MELTF: variants seen among roughly 807,000 people sequenced by gnomAD.
The protein encoded by MELTF is antigen p97 (melanoma associated) identified by monoclonal antibodies 133.2 and 96.5.
MELTF carries 67 observed loss-of-function variants against 83.7 expected under a neutral mutation model. That is an observed-to-expected ratio of 0.80 (90% CI 0.66 to 0.98). The LOEUF is 0.98. Among genes scored for constraint, MELTF ranks in the 50% least tolerant of loss-of-function variants. The pLI is 0.00. For missense variants in MELTF, 1,002 were observed against 1,035.6 expected (o/e 0.97, Z 0.44); for synonymous variants, 462 against 447.6 (o/e 1.03, Z -0.41).
Position 197,029,799 on chromosome 3 carries a change from G to T in MELTF, c.-97C>A, listed in dbSNP as rs1720020446. On this transcript the variant is annotated 5_prime_UTR_variant, in exon 1 of 16. Transcript: ENST00000296350. This position sits in a 1 kb window ranked among gnomAD's most constrained non-coding sequence, Gnocchi z 6.5. ...TTCCTCCCTGCTCCCCCTCGCGCTG[G>T]CCCGAGCTCCTTAAGTGCGGCCGCG... The T allele has an allele frequency of 2.3e-6, 2 of 882,298 alleles. No individual in the cohort carries two copies. The highest frequency in any genetic ancestry group is 3.5e-5 in the African/African-American group (2 of 57,578). 54.7% of individuals were successfully genotyped at this position (882,298 alleles called of 1,614,324 possible). A position where few individuals can be genotyped will look rare whatever the true frequency, so the allele number is the denominator to read the frequency against.
chr3:197,024,602 A>ATC lies in MELTF; in HGVS notation c.305-118_305-117insGA. On this transcript the variant is annotated intron_variant, in intron 3 of 15. Coordinates refer to ENST00000296350, the MANE Select transcript of MELTF (RefSeq NM_005929.6). This position sits in a 1 kb window ranked among gnomAD's most constrained non-coding sequence, Gnocchi z 5.3. ...GTGTGCACGGAGCACGGCTGTACAC[A>ATC]CGGATGTGTGCATAGCGTTCTCGTT... 2.1e-5 allele frequency: 18 copies of ATC among 865,048 alleles called. No individual in the cohort carries two copies. Among genetic ancestry groups the ATC allele is most frequent in the South Asian group, 4.2e-5 (2 of 47,526 alleles). 53.6% of individuals were successfully genotyped at this position (865,048 alleles called of 1,614,324 possible).
chr3:197,017,691 C>T (rs1338872783), intron 6 of MELTF, among the ~76,000 whole-genome samples: 1 of 152,108 alleles, frequency 6.6e-6, no homozygotes, highest in Non-Finnish European at 1.5e-5. Context: ...TCCTGGCTAA[C>T]ACGGTGAAAC....
In MELTF at chr3:197,027,792, C is replaced by T. The variant is rs142499361; in HGVS notation, c.168G>A (p.Arg56=). The stretch of plus-strand genomic sequence containing the variant: ...GGACGCAGTGGTCGGCGGAGGTGCC[C>T]CGGACGCAGAGGAGGGAGGGCTGGA... ...AGIQPSLLCV[R]GTSADHCVQL... The change falls in exon 2 of 16, where the codon CGG becomes CGA. Residue 56 remains arginine, a synonymous_variant. Transcript: ENST00000296350. 6.2e-7 allele frequency: 1 copy of T among 1,610,914 alleles called. No homozygotes were observed. The highest frequency in any genetic ancestry group is 1.1e-5 in the South Asian group (1 of 90,592).
rs1340707109 is a variant in MELTF at position 197,027,853 on chromosome 3, C to T, written c.107G>A (p.Cys36Tyr). 1.2e-6 allele frequency: 2 copies of T among 1,610,940 alleles called. No homozygotes were observed. Among genetic ancestry groups the T allele is most frequent in the African/African-American group, 2.7e-5 (2 of 74,892 alleles). The change falls in exon 2 of 16, where the codon TGC (cysteine) becomes TAC (tyrosine). Residue 36 changes from cysteine (C) to tyrosine (Y), a missense_variant. Coordinates refer to ENST00000296350, the MANE Select transcript of MELTF (RefSeq NM_005929.6). ...CATSDPEQHK[C>Y]GNMSEAFREA... ...CCGGAAGGCCTCGCTCATGTTGCCG[C>T]ACTTGTGCTGCTCTGGGTCCGAGGT...
intron 11 of MELTF, among the ~76,000 whole-genome samples, chr3:197,009,218 C>A (rs1212484018): frequency 6.6e-6 from 1 of 152,228 alleles, no homozygotes; most frequent in African/African-American, 2.4e-5. Flanking sequence ...CCCTCAGGGA[C>A]AGGGATCTCA....
intron 1 of MELTF, chr3:197,028,584 G>A (rs546048014): frequency 6.5e-6 from 1 of 152,974 alleles, no homozygotes; most frequent in South Asian, 2.1e-4. Context: ...TGTGTTGAAA[G>A]TAAACCCCCT....
chr3:197,017,352 A>G lies in MELTF; in HGVS notation c.713-62T>C, dbSNP rs1192017984. ...AAGGGGTTGGGGCGGGTGGCGGGGA[A>G]GGCCCAGGAGAGGGAATCTGAGGGG... On this transcript the variant is annotated intron_variant, in intron 6 of 15. Transcript: ENST00000296350. The G allele has an allele frequency of 2.1e-6, 3 of 1,410,766 alleles. No homozygotes were observed. In the African/African-American group the frequency reaches 4.4e-5, roughly 20 times the overall value. 87.4% of individuals were successfully genotyped at this position (1,410,766 alleles called of 1,614,324 possible). A position where few individuals can be genotyped will look rare whatever the true frequency, so the allele number is the denominator to read the frequency against.
At chr3:197,016,414 G>A (rs778527449) in intron 7 of MELTF, 45 bp from the exon 8 acceptor site, 8 of 1,420,130 alleles carry the variant, frequency 5.6e-6, no homozygotes, top group Non-Finnish European at 7.4e-6. Context: ...GGTGCTGACA[G>A]GCCATATCCT....
In MELTF at chr3:197,001,799, A is replaced by C. The variant is rs1718734661; in HGVS notation, c.*1573T>G. The C allele has an allele frequency of 6.6e-6, 1 of 151,950 alleles. No homozygotes were observed. Among genetic ancestry groups the C allele is most frequent in the African/African-American group, 2.4e-5 (1 of 41,334 alleles). The allele number at this position is 151,950 out of a possible 1,614,324, so 9.4% of individuals were successfully genotyped here. On this transcript the variant is annotated 3_prime_UTR_variant, in exon 16 of 16. Transcript: ENST00000296350. Reference sequence around the variant, plus strand: ...CTTGTTTGGCTTTATTTTAGAAACCAACCAACATGTTTCATTAGCACTGAC... The same window carrying C: ...CTTGTTTGGCTTTATTTTAGAAACCCACCAACATGTTTCATTAGCACTGAC...
At chr3:197,017,622 A>G (rs979260014) in intron 6 of MELTF, among the ~76,000 whole-genome samples, 1 of 152,250 alleles carries the variant, frequency 6.6e-6, no homozygotes, top group Non-Finnish European at 1.5e-5. Context: ...TCACGCCTGT[A>G]ATCCCAGCAC....
chr3:197,002,210 T>C lies in MELTF; in HGVS notation c.*1162A>G, dbSNP rs2280293. On this transcript the variant is annotated 3_prime_UTR_variant, in exon 16 of 16. Coordinates refer to ENST00000296350, the MANE Select transcript of MELTF (RefSeq NM_005929.6). ...GGGGCGAGCCACCGGGAACCGGGCC[T>C]GTCACCAGCATCCCCGAGCCCCCGC... The C allele has an allele frequency of 0.22, 33,825 of 151,904 alleles. 3,789 individuals are homozygous for C. Among genetic ancestry groups the C allele is most frequent in the Middle Eastern group, 0.41 (120 of 294 alleles). The allele number at this position is 151,904 out of a possible 1,614,324, so 9.4% of individuals were successfully genotyped here.
At chr3:197,019,758 T>C (rs1056664) in intron 6 of MELTF, 375,505 of 1,601,924 alleles carry the variant, frequency 0.23, 45,405 homozygotes, top group Admixed American at 0.37. Context: ...ACTCGCCTTC[T>C]TCCTCCTCAG....
At position 197,002,169 on chromosome 3, in the gene MELTF, C is replaced by T. The variant is rs1252967591; in HGVS notation, c.*1203G>A. 2 of 152,214 alleles carry T rather than the reference C, an allele frequency of 1.3e-5. No individual in the cohort carries two copies. The highest frequency in any genetic ancestry group is 2.9e-5 in the Non-Finnish European group (2 of 68,054). The allele number at this position is 152,214 out of a possible 1,614,324, so 9.4% of individuals were successfully genotyped here. A position where few individuals can be genotyped will look rare whatever the true frequency, so the allele number is the denominator to read the frequency against. ...GGCTGAGAGATGGAAGGGATCCTTC[C>T]CGACGCCCGCAGGTGGGGGCGAGCC... is the stretch of plus-strand genomic sequence containing the variant. On this transcript the variant is annotated 3_prime_UTR_variant, in exon 16 of 16. Coordinates refer to ENST00000296350, the MANE Select transcript of MELTF (RefSeq NM_005929.6).
At chr3:197,009,054 A>AC (rs1302992747) in intron 11 of MELTF, 89 bp from the exon 12 acceptor site, 14 of 1,490,984 alleles carry the variant, frequency 9.4e-6, no homozygotes, top group South Asian at 2.5e-5. Context: ...AGGTCTGCCC[A>AC]CCCCCCGGAT....
chr3:197,019,939 A>G (rs1560220012), intron 6 of MELTF: 1 of 1,283,462 alleles, frequency 7.8e-7, no homozygotes, highest in Non-Finnish European at 1.0e-6. Context: ...GTGCGGGGAG[A>G]TAACTAGCAG....
rs545454669 is a variant in MELTF, at chr3:197,009,483, C to T, written c.1525+135G>A. 11 of 799,416 alleles carry T rather than the reference C, an allele frequency of 1.4e-5. No individual in the cohort carries two copies. The Admixed American group carries it at 1.4e-4, about 10-fold the overall frequency. The allele number at this position is 799,416 out of a possible 1,614,324, so 49.5% of individuals were successfully genotyped here. On this transcript the variant is annotated intron_variant, in intron 11 of 15. Coordinates refer to ENST00000296350, the MANE Select transcript of MELTF (RefSeq NM_005929.6). ...ATATGGTGGGTCCTTCTGTCCCCAG[C>T]TTATGGAGATACCTGGGCACATATG...
rs752376863 is a variant in MELTF, at chr3:197,016,378, C to T, written c.901-9G>A. The T allele has an allele frequency of 5.1e-6, 8 of 1,574,762 alleles. No individual in the cohort carries two copies. In the African/African-American group the frequency reaches 1.1e-4, roughly 21 times the overall value. ...TCGTGGCTGAACAGACGCTGTGTGT[C>T]AAGGGGTGTGGTACAGGGTGGTGAG... On this transcript the variant is annotated splice_polypyrimidine_tract_variant and intron_variant, in intron 7 of 15. Coordinates refer to ENST00000296350, the MANE Select transcript of MELTF (RefSeq NM_005929.6).
rs900014247 is a variant in MELTF at position 197,011,379 on chromosome 3, A to T, written c.1234-585T>A. Among the ~76,000 whole-genome samples the T allele has an allele frequency of 2.6e-5, 4 of 151,978 alleles. No individual in the cohort carries two copies. The highest frequency in any genetic ancestry group is 5.9e-5 in the Non-Finnish European group (4 of 67,930). ...TGGGGCCTCCAGGTCACCTGCACCC[A>T]CCCCGCTTGTCCATTCGGAAGCCTA... On this transcript the variant is annotated intron_variant, in intron 9 of 15. Transcript: ENST00000296350. This position sits in a 1 kb window ranked among gnomAD's most constrained non-coding sequence, Gnocchi z 4.2.
At chr3:197,028,243 G>C (rs1211684589) in intron 1 of MELTF, 2 of 269,040 alleles carry the variant, frequency 7.4e-6, no homozygotes, top group Non-Finnish European at 1.4e-5. Context: ...GGCAGGCCCT[G>C]GAAGTGGAAG....
Sources: allele counts gnomAD v4.1 joint callset (sites outside exome capture counted in the v4.1 genomes callset), GRCh38; gene constraint gnomAD v4.1.1; non-coding constraint Gnocchi (gnomAD v3.1); transcripts MANE v1.5; gene names NCBI Gene and HGNC (gene_info 2026-07-23, HGNC 2026-07-21).